Variants in CDK17 observed in about 807,000 individuals in gnomAD.
The protein encoded by CDK17 is cyclin-dependent kinase 17.
CDK17 carries 24 observed loss-of-function variants against 77.6 expected under a neutral mutation model. That is an observed-to-expected ratio of 0.31 (90% confidence interval 0.22 to 0.44). CDK17 has a LOEUF of 0.44. Among genes scored for constraint, CDK17 ranks in the 20% least tolerant of loss-of-function variants. The pLI is 1.00. For synonymous variants in CDK17, 203 were observed against 210.4 expected, an observed-to-expected ratio of 0.96 and a Z score of 0.30; for missense variants, 429 against 622.5, an observed-to-expected ratio of 0.69 and a Z score of 3.31.
chr12:96,301,598 G>C (rs537798633), intron 5 of CDK17, among the ~76,000 whole-genome samples: 76 of 152,270 alleles, frequency 5.0e-4, no homozygotes, highest in African/African-American at 1.7e-3. Context: ...TCTAAAGAAA[G>C]ATCCACTTGC....
intron 5 of CDK17, among the ~76,000 whole-genome samples, chr12:96,300,686 C>T (rs113257306): frequency 0.014 from 2,191 of 152,264 alleles, 30 homozygotes; most frequent in Non-Finnish European, 0.022. Context: ...CGTAAGCCAC[C>T]GCGCCCAGCC....
chr12:96,360,293 G>A (rs1472487785), intron 1 of CDK17, among the ~76,000 whole-genome samples: 2 of 152,156 alleles, frequency 1.3e-5, no homozygotes, highest in Admixed American at 1.3e-4. Flanking sequence ...GACGGGAAGA[G>A]GCCTGATCAT....
intron 1 of CDK17, among the ~76,000 whole-genome samples, chr12:96,394,897 G>A (rs1470156455): frequency 6.9e-6 from 1 of 145,340 alleles, no homozygotes; most frequent in Non-Finnish European, 1.5e-5. Flanking sequence ...TTTCCCCCGA[G>A]ACAGAGTCTT....
In CDK17 at chr12:96,323,943, A is replaced by G. The variant is rs1253661128; in HGVS notation, c.283+5T>C. On this transcript the variant is annotated splice_donor_5th_base_variant and intron_variant, in intron 3 of 16. Coordinates refer to ENST00000261211, the MANE Select transcript of CDK17 (RefSeq NM_002595.5). ...GTAAACACAACAGACAAGTAATCAA[A>G]TTACCTAATCTGCTTCCATTTCTGG... The G allele has an allele frequency of 1.9e-6, 3 of 1,568,542 alleles. No individual in the cohort carries two copies. The highest frequency in any genetic ancestry group is 2.6e-6 in the Non-Finnish European group (3 of 1,157,196).
In CDK17 at chr12:96,280,200, T is replaced by C; in HGVS notation, c.*42A>G. On this transcript the variant is annotated 3_prime_UTR_variant, in exon 17 of 17. Coordinates refer to ENST00000261211, the MANE Select transcript of CDK17 (RefSeq NM_002595.5). ...CCTTCAGTTCTGAGTCCTTGATTGG[T>C]AAGAAAGGCTGGGGGCTGGGCTTGA... 1 of 1,544,388 alleles carries C rather than the reference T, an allele frequency of 6.5e-7. No homozygotes were observed.
At chr12:96,302,318 A>T (rs1266545985) in intron 5 of CDK17, among the ~76,000 whole-genome samples, 1 of 151,110 alleles carries the variant, frequency 6.6e-6, no homozygotes, top group Non-Finnish European at 1.5e-5. Flanking sequence ...TTTAATTTAT[A>T]TATGTTTTAT....
intron 1 of CDK17, among the ~76,000 whole-genome samples, chr12:96,363,431 C>T (rs191725953): frequency 1.1e-3 from 133 of 121,318 alleles, no homozygotes; most frequent in African/African-American, 4.1e-3. Context: ...GCCTGGGCAA[C>T]AGAGCAAGAC....
chr12:96,373,516 A>G (rs1315275353), intron 1 of CDK17, among the ~76,000 whole-genome samples: 1 of 151,726 alleles, frequency 6.6e-6, no homozygotes, highest in East Asian at 1.9e-4. Flanking sequence ...ATCACTTTGA[A>G]CCTGGGAGGC....
At chr12:96,359,921 G>C (rs899724252) in intron 1 of CDK17, among the ~76,000 whole-genome samples, 1 of 152,030 alleles carries the variant, frequency 6.6e-6, no homozygotes, top group Non-Finnish European at 1.5e-5. Context: ...AGACATTCAA[G>C]CTATCTATAG....
At chr12:96,336,469 AAT>A (rs774840674) in intron 1 of CDK17, among the ~76,000 whole-genome samples, 1 of 152,216 alleles carries the variant, frequency 6.6e-6, no homozygotes, top group Non-Finnish European at 1.5e-5. Flanking sequence ...TCTCTTAAAT[AAT>A]GTTTTTTAAT....
At chr12:96,298,441 T>A (rs1333865689) in intron 7 of CDK17, among the ~76,000 whole-genome samples, 1 of 152,218 alleles carries the variant, frequency 6.6e-6, no homozygotes, top group Non-Finnish European at 1.5e-5. Context: ...TGGCATTAAT[T>A]TAGATATAAA....
chr12:96,382,561 AG>A lies in CDK17; in HGVS notation c.-30+17424del, dbSNP rs370804705. ...AATCTGGCAGAGATACAATGAAAAA[AG>A]AAAACTTCAGAACAATATCCCCGAT... is the stretch of plus-strand genomic sequence containing the variant. On this transcript the variant is annotated intron_variant, in intron 1 of 16. Transcript: ENST00000261211. 7.7e-4 allele frequency among the ~76,000 whole-genome samples: 118 copies of A among 152,266 alleles called. 2 individuals carry two copies. In the East Asian group the frequency reaches 0.022, roughly 28 times the overall value.
At chr12:96,333,900 G>A (rs1196458722) in intron 2 of CDK17, among the ~76,000 whole-genome samples, 1 of 152,156 alleles carries the variant, frequency 6.6e-6, no homozygotes, top group Non-Finnish European at 1.5e-5. Context: ...CATCAACTAG[G>A]AAGTGTTTAA....
At chr12:96,335,034 C>T (rs1433666996) in intron 1 of CDK17, 169 bp from the exon 2 acceptor site, 6 of 661,798 alleles carry the variant, frequency 9.1e-6, no homozygotes, top group East Asian at 2.9e-5. Flanking sequence ...TCACCTACTC[C>T]GAATAATGCT....
At chr12:96,333,991 T>A (rs1953006607) in intron 2 of CDK17, among the ~76,000 whole-genome samples, 3 of 152,180 alleles carry the variant, frequency 2.0e-5, no homozygotes, top group Admixed American at 6.5e-5. Context: ...AAAACATAAG[T>A]ATGTGCATTC....
chr12:96,391,978 C>T (rs1239137889), intron 1 of CDK17, among the ~76,000 whole-genome samples: 1 of 152,126 alleles, frequency 6.6e-6, no homozygotes, highest in Non-Finnish European at 1.5e-5. Context: ...TTTACCAACT[C>T]GGTGTTGTTC....
intron 15 of CDK17, chr12:96,282,279 T>A (rs7975426): frequency 2.0e-5 from 8 of 404,762 alleles, no homozygotes; most frequent in Non-Finnish European, 3.5e-5. Flanking sequence ...GATCCTTGCC[T>A]AAGTACTATT....
At chr12:96,327,850 A>C (rs752852298) in intron 2 of CDK17, among the ~76,000 whole-genome samples, 2 of 152,118 alleles carry the variant, frequency 1.3e-5, no homozygotes, top group Non-Finnish European at 1.5e-5. Flanking sequence ...CCTAGCCCCA[A>C]AATATTTTTA....
chr12:96,305,402 A>G (rs1952564604), intron 5 of CDK17, among the ~76,000 whole-genome samples: 1 of 152,244 alleles, frequency 6.6e-6, no homozygotes, highest in South Asian at 2.1e-4. Flanking sequence ...TTAAAGTAAT[A>G]TAAAATGTTA....
Sources: allele counts gnomAD v4.1 joint callset (sites outside exome capture counted in the v4.1 genomes callset), GRCh38; gene constraint gnomAD v4.1.1; transcripts MANE v1.5; gene names NCBI Gene and HGNC (gene_info 2026-07-23, HGNC 2026-07-21).